FBXW10B: variants seen among roughly 807,000 people sequenced by gnomAD.
The protein encoded by FBXW10B is F-box and WD repeat domain containing 10B.
the FBXW10B span, among the ~76,000 whole-genome samples, chr17:15,570,170 G>A: frequency 7.9e-5 from 12 of 152,184 alleles, no homozygotes; most frequent in Non-Finnish European, 1.6e-4. Flanking sequence ...GACCTCCTAG[G>A]TGGGAGAAAT....
chr17:15,600,943 C>T, the FBXW10B span, among the ~76,000 whole-genome samples: 30,880 of 141,506 alleles, frequency 0.22, 3,571 homozygotes, highest in East Asian at 0.36. Flanking sequence ...CCCAGCTACT[C>T]GGGAGGCTGA....
At chr17:15,611,983 G>A in the FBXW10B span, among the ~76,000 whole-genome samples, 1 of 152,166 alleles carries the variant, frequency 6.6e-6, no homozygotes, top group African/African-American at 2.4e-5. Context: ...AGGCATTCTG[G>A]AACCAGCCCT....
At chr17:15,595,357 A>G in the FBXW10B span, among the ~76,000 whole-genome samples, 52,381 of 151,786 alleles carry the variant, frequency 0.35, 9,813 homozygotes, top group African/African-American at 0.49. Context: ...AATAAAGAAA[A>G]AAAGAAAAGA....
the FBXW10B span, among the ~76,000 whole-genome samples, chr17:15,592,296 T>G: frequency 8.5e-5 from 1 of 11,824 alleles, no homozygotes; most frequent in South Asian, 3.1e-3. Flanking sequence ...ATGGCCAGAG[T>G]TTTTTTTTTT....
chr17:15,594,243 C>G, the FBXW10B span, among the ~76,000 whole-genome samples: 2 of 151,826 alleles, frequency 1.3e-5, no homozygotes, highest in Non-Finnish European at 2.9e-5. Flanking sequence ...GAGGCTGAGG[C>G]GGGCAGATCA....
chr17:15,612,375 T>G, the FBXW10B span, among the ~76,000 whole-genome samples: 632 of 150,982 alleles, frequency 4.2e-3, 3 homozygotes, highest in Middle Eastern at 0.024. Flanking sequence ...TTAGCCGGGC[T>G]TGGTGGCGGG....
the FBXW10B span, among the ~76,000 whole-genome samples, chr17:15,590,085 A>G: frequency 2.6e-5 from 4 of 151,090 alleles, no homozygotes; most frequent in South Asian, 8.4e-4. Flanking sequence ...CGCTGCCTGG[A>G]TGGGGAGCCC....
chr17:15,601,806 G>C, the FBXW10B span, among the ~76,000 whole-genome samples: 1 of 152,128 alleles, frequency 6.6e-6, no homozygotes, highest in African/African-American at 2.4e-5. Context: ...ATATACTATA[G>C]CTGTTACATA....
the FBXW10B span, among the ~76,000 whole-genome samples, chr17:15,608,719 G>T: frequency 6.6e-6 from 1 of 152,208 alleles, no homozygotes. Context: ...CTCCCAAAGT[G>T]CTGGGATTAC....
chr17:15,579,878 A>G, the FBXW10B span, among the ~76,000 whole-genome samples: 3 of 152,062 alleles, frequency 2.0e-5, no homozygotes, highest in Non-Finnish European at 4.4e-5. Context: ...AGAGCTATGT[A>G]GGGGCTGATG....
chr17:15,612,862 A>G, the FBXW10B span: 2 of 1,599,106 alleles, frequency 1.3e-6, no homozygotes, highest in African/African-American at 1.4e-5. Context: ...AAAACAGAAA[A>G]TGGCTTCTCT....
the FBXW10B span, chr17:15,596,393 G>C: frequency 1.5e-6 from 2 of 1,327,720 alleles, no homozygotes; most frequent in South Asian, 3.0e-5. Context: ...AGAGCTTCAG[G>C]ACTGTCCTTC....
At chr17:15,603,251 GC>G in the FBXW10B span, among the ~76,000 whole-genome samples, 1 of 151,484 alleles carries the variant, frequency 6.6e-6, no homozygotes, top group African/African-American at 2.4e-5. Context: ...GATAGTCCTG[GC>G]AAGAGGGTAT....
chr17:15,599,200 C>T, the FBXW10B span, among the ~76,000 whole-genome samples: 1 of 136,316 alleles, frequency 7.3e-6, no homozygotes, highest in African/African-American at 2.8e-5. Flanking sequence ...AGAGTATTTA[C>T]ATCATAGGGT....
chr17:15,566,689 T>C, the FBXW10B span, among the ~76,000 whole-genome samples: 2 of 151,834 alleles, frequency 1.3e-5, no homozygotes, highest in Non-Finnish European at 2.9e-5. Flanking sequence ...GCCTCCCAAG[T>C]AGCTGAGACT....
chr17:15,594,492 A>G, the FBXW10B span: 20 of 484,974 alleles, frequency 4.1e-5, no homozygotes, highest in East Asian at 3.6e-4. Flanking sequence ...AAAAAATTCA[A>G]TATCTTCTCA....
At chr17:15,582,939 A>G in the FBXW10B span, among the ~76,000 whole-genome samples, 1 of 149,348 alleles carries the variant, frequency 6.7e-6, no homozygotes, top group Non-Finnish European at 1.5e-5. Flanking sequence ...GATAAAAATT[A>G]TGTGGTGGTG....
chr17:15,566,993 C>T, the FBXW10B span, among the ~76,000 whole-genome samples: 50 of 151,498 alleles, frequency 3.3e-4, no homozygotes, highest in Non-Finnish European at 3.8e-4. Context: ...AAGTTGAGGC[C>T]GGGCGCGGTG....
the FBXW10B span, among the ~76,000 whole-genome samples, chr17:15,567,836 T>G: frequency 6.6e-6 from 1 of 152,226 alleles, no homozygotes; most frequent in Non-Finnish European, 1.5e-5. Context: ...TTTACAGAAT[T>G]TGAATGTCTT....
Sources: gnomAD v4.1 joint callset for allele counts (sites outside exome capture counted in the v4.1 genomes callset) on GRCh38, gnomAD v4.1.1 for gene constraint, MANE v1.5 for transcripts, NCBI Gene and HGNC (gene_info 2026-07-23, HGNC 2026-07-21) for gene names.